The following GALC variants were observed in gnomAD, a reference collection of about 807,000 sequenced individuals.
GALC encodes galactocerebrosidase.
GALC carries 77 observed loss-of-function variants against 91.8 expected under a neutral mutation model. The ratio of observed to expected loss-of-function variants is 0.84; its 90% CI spans 0.70 to 1.01. The LOEUF (loss-of-function observed/expected upper bound fraction) is 1.01, where lower values mean the gene tolerates loss of function less well. Among genes scored for constraint, GALC ranks in the 50% least tolerant of loss-of-function variants. GALC has a pLI of 0.00. For synonymous variants in GALC, 357 were observed against 306.7 expected (o/e 1.16, Z -1.71); for missense variants, 882 against 855.9 (o/e 1.03, Z -0.38).
chr14:87,993,238 C>CGCTGAT, upstream of GALC: 3 of 1,544,660 alleles, frequency 1.9e-6, no homozygotes, highest in South Asian at 2.4e-5. Flanking sequence ...GGCAGGAGGC[C>CGCTGAT]GCTGATGCTG....
At chr14:87,980,144 A>C (rs1886674978) in intron 6 of GALC, among the ~76,000 whole-genome samples, 1 of 152,166 alleles carries the variant, frequency 6.6e-6, no homozygotes, top group Non-Finnish European at 1.5e-5. Context: ...GCACTTTGGG[A>C]GGCCGAGGCG....
intron 13 of GALC, among the ~76,000 whole-genome samples, chr14:87,947,043 C>A (rs1185348687): frequency 6.6e-6 from 1 of 151,966 alleles, no homozygotes; most frequent in Non-Finnish European, 1.5e-5. Flanking sequence ...TACTCTCCTG[C>A]TGCTACAGAT....
At chr14:87,981,002 G>C (rs987188887) in intron 6 of GALC, among the ~76,000 whole-genome samples, 4 of 152,038 alleles carry the variant, frequency 2.6e-5, no homozygotes, top group African/African-American at 9.7e-5. Context: ...TTTTCCTCTG[G>C]GTAGATACCC....
Position 87,964,893 on chromosome 14 carries a change from T to A in GALC, c.1033+612A>T, listed in dbSNP as rs554292433. ...GATCCTTCATATCATATGAGTAACA[T>A]AAAATCTTCAGTACGTGCTCACTTT... On this transcript the variant is annotated intron_variant, in intron 9 of 16. Coordinates refer to ENST00000261304, the MANE Select transcript of GALC (RefSeq NM_000153.4). 2.6e-5 allele frequency among the ~76,000 whole-genome samples: 4 copies of A among 152,248 alleles called. No individual in the cohort carries two copies. In the South Asian group the frequency reaches 8.3e-4, roughly 32 times the overall value.
In GALC at chr14:87,976,493, T is replaced by C. The variant is rs1481193211; in HGVS notation, c.622-5A>G. ...ATTCAGCATTTTTCTTAATATCTTT[T>C]GGAGTAAGAAACAGAACATATGAAA... On this transcript the variant is annotated splice_polypyrimidine_tract_variant and splice_region_variant and intron_variant, in intron 6 of 16. Coordinates refer to ENST00000261304, the MANE Select transcript of GALC (RefSeq NM_000153.4). 6.2e-7 allele frequency: 1 copy of C among 1,608,980 alleles called. No homozygotes were observed. Among genetic ancestry groups the C allele is most frequent in the Non-Finnish European group, 8.5e-7 (1 of 1,175,440 alleles).
chr14:87,992,703 CT>C (rs1211555443), intron 1 of GALC: 124 of 1,432,760 alleles, frequency 8.7e-5, no homozygotes, highest in Admixed American at 2.9e-4. Context: ...AGACCTGTCA[CT>C]TTACTCTCTG....
At position 87,974,926 on chromosome 14, in the gene GALC, A is replaced by T. The variant is rs182958277; in HGVS notation, c.752+1432T>A. On this transcript the variant is annotated intron_variant, in intron 7 of 16. Transcript: ENST00000261304. ...GTACATATCCAAGTCCTTCATGAAG[A>T]TACAGTAAAACCCATATTTTCATGC... is the stretch of plus-strand genomic sequence containing the variant. Among the ~76,000 whole-genome samples, 410 of 152,218 alleles carry T rather than the reference A, an allele frequency of 2.7e-3. 3 individuals are homozygous for T. The highest frequency in any genetic ancestry group is 9.5e-3 in the African/African-American group (396 of 41,570).
chr14:87,984,209 T>G (rs1886872043), intron 5 of GALC, among the ~76,000 whole-genome samples, 185 bp downstream of exon 5: 1 of 150,622 alleles, frequency 6.6e-6, no homozygotes, highest in East Asian at 2.0e-4. Flanking sequence ...GTGGGAACAC[T>G]GGGATGGGCA....
intron 9 of GALC, among the ~76,000 whole-genome samples, chr14:87,964,834 C>T (rs566756130): frequency 6.6e-6 from 1 of 152,210 alleles, no homozygotes; most frequent in African/African-American, 2.4e-5. Context: ...CTTTTCATTT[C>T]AACTGTTTCT....
chr14:87,953,337 G>A, intron 10 of GALC: 2 of 1,428,792 alleles, frequency 1.4e-6, no homozygotes, highest in Non-Finnish European at 2.0e-6. Context: ...GTTACGGGAA[G>A]ATAAGAATAT....
rs1885229068 is a variant in GALC at position 87,949,826 on chromosome 14, G to A, written c.1338+19C>T. 3.1e-6 allele frequency: 4 copies of A among 1,309,986 alleles called. No individual in the cohort carries two copies. The highest frequency in any genetic ancestry group is 1.7e-5 in the Admixed American group (1 of 59,310). 81.1% of individuals were successfully genotyped at this position (1,309,986 alleles called of 1,614,324 possible). On this transcript the variant is annotated intron_variant, in intron 12 of 16. Coordinates refer to ENST00000261304, the MANE Select transcript of GALC (RefSeq NM_000153.4). ...TACTGTTGGAATACCCAAAATATAA[G>A]AATTTACTTTAAAATTACCCATAGA...
At chr14:87,965,442 GT>G in intron 9 of GALC, 62 bp downstream of exon 9, 3 of 1,562,824 alleles carry the variant, frequency 1.9e-6, no homozygotes, top group South Asian at 1.1e-5. Flanking sequence ...TCTTCTCTAA[GT>G]TTTTTTCTGC....
chr14:87,954,092 G>A (rs1885418390), intron 10 of GALC: 1 of 1,609,714 alleles, frequency 6.2e-7, no homozygotes, highest in South Asian at 1.1e-5. Context: ...TAAATCTTGG[G>A]AGTTATTCAT....
intron 6 of GALC, among the ~76,000 whole-genome samples, chr14:87,977,044 G>GGGA (rs59046532): frequency 8.0e-6 from 1 of 124,672 alleles, no homozygotes; most frequent in African/African-American, 3.4e-5. Flanking sequence ...GGGGGGGGGG[G>GGGA]ATGAAACAAA....
intron 14 of GALC, among the ~76,000 whole-genome samples, chr14:87,943,498 CT>C: frequency 6.6e-6 from 1 of 152,074 alleles, no homozygotes; most frequent in South Asian, 2.1e-4. Flanking sequence ...CATTTCCTAC[CT>C]TTAGGAAGAA....
At chr14:87,981,836 A>G (rs1886761974) in intron 6 of GALC, among the ~76,000 whole-genome samples, 1 of 152,082 alleles carries the variant, frequency 6.6e-6, no homozygotes, top group African/African-American at 2.4e-5. Flanking sequence ...TATATGCCAT[A>G]AGTTTTGACA....
chr14:87,933,902 T>C lies in GALC; in HGVS notation c.*830A>G, dbSNP rs978345613. On this transcript the variant is annotated 3_prime_UTR_variant, in exon 17 of 17. Transcript: ENST00000261304. ...ATCAGCTGTGTGAGTCTGTTACCAG[T>C]GCACATGTGAGGACAGACCACAGCA... is the stretch of plus-strand genomic sequence containing the variant. 1.1e-5 allele frequency: 13 copies of C among 1,194,618 alleles called. No individual in the cohort carries two copies. The East Asian group carries it at 2.3e-4, about 21-fold the overall frequency. The allele number at this position is 1,194,618 out of a possible 1,614,324, so 74.0% of individuals were successfully genotyped here.
chr14:87,982,235 A>G lies in GALC; in HGVS notation c.591T>C (p.Asn197=), dbSNP rs1886781078. Residue 197 remains asparagine (N), a synonymous_variant, in exon 6 of 17, where the codon AAT becomes AAC. Transcript: ENST00000261304. ...DLDIDYIGIW[N]ERSYNANYIK... is the part of the protein sequence containing the mutation. ...TATAATTGGCATTATATGACCTCTC[A>G]TTCCAAATCTGCAAAACAAAAAGTC... 2.5e-6 allele frequency: 4 copies of G among 1,582,930 alleles called. No homozygotes were observed. In the South Asian group the frequency reaches 3.3e-5, roughly 13 times the overall value.
At chr14:87,936,481 G>A (rs1884573701) in intron 16 of GALC, among the ~76,000 whole-genome samples, 1 of 151,388 alleles carries the variant, frequency 6.6e-6, no homozygotes, top group African/African-American at 2.4e-5. Context: ...TAGCCGAACT[G>A]GGTAGCCACA....
Sources: gnomAD v4.1 joint callset for allele counts (sites outside exome capture counted in the v4.1 genomes callset) on GRCh38, gnomAD v4.1.1 for gene constraint, MANE v1.5 for transcripts, NCBI Gene and HGNC (gene_info 2026-07-23, HGNC 2026-07-21) for gene names.